CR1: variants seen among roughly 807,000 people sequenced by gnomAD.
CR1 encodes complement C3b/C4b receptor 1 (Knops blood group).
CR1 carries 116 observed loss-of-function variants against 187.3 expected under a neutral mutation model. The observed-to-expected ratio is 0.62, with a 90% confidence interval of 0.53 to 0.72. CR1 has a LOEUF of 0.72. CR1 is among the 30% of genes least tolerant of loss of function. The pLI, the probability that CR1 is intolerant of heterozygous loss-of-function variation, is 0.00. For missense variants in CR1, 1,731 were observed against 2,110.7 expected (o/e 0.82, Z 3.52); for synonymous variants, 576 against 747.1 (o/e 0.77, Z 3.73).
chr1:207,591,518 G>A (rs113482165), intron 35 of CR1, among the ~76,000 whole-genome samples: 8 of 152,058 alleles, frequency 5.3e-5, no homozygotes, highest in African/African-American at 1.4e-4. Flanking sequence ...TAAAATCGAC[G>A]CCCTGACATC....
chr1:207,591,233 G>A (rs780729651), intron 35 of CR1, among the ~76,000 whole-genome samples: 16 of 152,218 alleles, frequency 1.1e-4, no homozygotes, highest in Non-Finnish European at 1.9e-4. Context: ...CAAAAGAATG[G>A]AAATCATAAC....
intron 45 of CR1, among the ~76,000 whole-genome samples, chr1:207,623,828 C>G (rs1179486620): frequency 6.7e-6 from 1 of 149,854 alleles, no homozygotes; most frequent in East Asian, 2.0e-4. Flanking sequence ...TCATATGGCA[C>G]ACATAGGCTG....
intron 35 of CR1, 129 bp downstream of exon 35, chr1:207,588,903 T>C: frequency 1.6e-6 from 1 of 630,438 alleles, no homozygotes; most frequent in Non-Finnish European, 2.8e-6. Context: ...GACTTATAGA[T>C]GGAGATGATA....
chr1:207,585,597 C>G (rs1661089882), intron 33 of CR1, among the ~76,000 whole-genome samples: 1 of 152,170 alleles, frequency 6.6e-6, no homozygotes, highest in Non-Finnish European at 1.5e-5. Flanking sequence ...GATGTGGCAC[C>G]AGCCTTGGAA....
intron 35 of CR1, among the ~76,000 whole-genome samples, chr1:207,594,945 A>T (rs1442616884): frequency 6.6e-6 from 1 of 152,226 alleles, no homozygotes; most frequent in East Asian, 1.9e-4. Context: ...TCATCTGCAC[A>T]ACAGCTTCCT....
chr1:207,630,371 T>C (rs548972551), intron 45 of CR1, 146 bp from the exon 46 acceptor site: 1 of 544,892 alleles, frequency 1.8e-6, no homozygotes, highest in Non-Finnish European at 3.3e-6. Flanking sequence ...GATTTGGTTA[T>C]GATTTTCCTT....
chr1:207,625,882 A>G (rs1215725647), intron 45 of CR1, among the ~76,000 whole-genome samples: 4 of 152,254 alleles, frequency 2.6e-5, no homozygotes. Flanking sequence ...TAGTGATGTT[A>G]TCTATAGGAG....
rs2102339172 is a variant in CR1 at position 207,578,063 on chromosome 1, T to G, written c.4796T>G (p.Val1599Gly). The G allele has an allele frequency of 6.2e-7, 1 of 1,611,688 alleles. No individual in the cohort carries two copies. Among genetic ancestry groups the G allele is most frequent in the Non-Finnish European group, 8.5e-7 (1 of 1,179,604 alleles). Residue 1599 changes from valine to glycine, a missense_variant, in exon 29 of 47, where the codon GTA (valine) becomes GGA (glycine). By Grantham distance (109) the Val-to-Gly change is moderately radical. Coordinates refer to ENST00000367049, the MANE Select transcript of CR1 (RefSeq NM_000651.6). ...TPPNVENGIL[V>G]SDNRSLFSLN... Reference sequence around the variant, plus strand: ...CCAAATGTGGAAAATGGAATATTGGTATCTGACAACAGAAGCTTATTTTCC... The same window carrying G: ...CCAAATGTGGAAAATGGAATATTGGGATCTGACAACAGAAGCTTATTTTCC...
chr1:207,508,154 A>T (rs1199420380), intron 3 of CR1, among the ~76,000 whole-genome samples: 3 of 152,220 alleles, frequency 2.0e-5, no homozygotes, highest in Admixed American at 6.5e-5. Flanking sequence ...AAGGGGATGA[A>T]TCGGAAGAGC....
At chr1:207,599,883 G>T (rs1421100580) in intron 35 of CR1, among the ~76,000 whole-genome samples, 3 of 152,114 alleles carry the variant, frequency 2.0e-5, no homozygotes, top group Non-Finnish European at 4.4e-5. Context: ...GAATATATAG[G>T]TTATACAATT....
At chr1:207,596,283 T>C (rs922911814) in intron 35 of CR1, among the ~76,000 whole-genome samples, 150 of 152,170 alleles carry the variant, frequency 9.9e-4, no homozygotes, top group African/African-American at 3.5e-3. Flanking sequence ...TTAACAGATA[T>C]AAACTCCATT....
intron 35 of CR1, among the ~76,000 whole-genome samples, chr1:207,602,872 G>T (rs1193322226): frequency 6.6e-6 from 1 of 151,852 alleles, no homozygotes. Flanking sequence ...CAACCAAATA[G>T]AATATAAGGA....
chr1:207,565,364 C>T (rs1446745242), intron 23 of CR1, among the ~76,000 whole-genome samples: 1 of 150,454 alleles, frequency 6.6e-6, no homozygotes, highest in East Asian at 1.9e-4. Flanking sequence ...GCCTTCTTCA[C>T]GCCATCACAG....
intron 35 of CR1, chr1:207,606,464 T>A (rs958314097): frequency 3.3e-5 from 5 of 152,208 alleles, no homozygotes; most frequent in Admixed American, 1.3e-4. Flanking sequence ...ATCACATTTC[T>A]TACATAATCA....
At position 207,580,275 on chromosome 1, in the gene CR1, C is replaced by A; in HGVS notation, c.4972C>A (p.His1658Asn). ...QPPPEILHGEHTPSHQDNFSP... is the reference protein window; with the variant it reads ...QPPPEILHGENTPSHQDNFSP... ...GCCTCCAGAAATCCTGCATGGTGAGCATACCCCAAGCCATCAGGACAACTT... is the reference window on the plus strand; with the variant it reads ...GCCTCCAGAAATCCTGCATGGTGAGAATACCCCAAGCCATCAGGACAACTT... The change falls in exon 30 of 47, where the codon CAT becomes AAT. Residue 1658 changes from histidine to asparagine, a missense_variant. This residue lies in a region of CR1 where 1,312 missense variants were observed against 1,379.6 expected (regional missense o/e 0.95). Coordinates refer to ENST00000367049, the MANE Select transcript of CR1 (RefSeq NM_000651.6). 6.2e-7 allele frequency: 1 copy of A among 1,613,844 alleles called. No individual in the cohort carries two copies. Among genetic ancestry groups the A allele is most frequent in the East Asian group, 2.2e-5 (1 of 44,870 alleles).
chr1:207,568,132 T>G, intron 25 of CR1, 90 bp downstream of exon 25: 1 of 1,606,498 alleles, frequency 6.2e-7, no homozygotes, highest in Admixed American at 1.7e-5. Flanking sequence ...AGTATTTATT[T>G]GTATGTATGC....
intron 4 of CR1, among the ~76,000 whole-genome samples, chr1:207,522,952 T>C (rs928200296): frequency 6.6e-6 from 1 of 152,210 alleles, no homozygotes; most frequent in Non-Finnish European, 1.5e-5. Context: ...TACACAGATA[T>C]CATCTTATGA....
Position 207,496,396 on chromosome 1 carries a change from G to T in CR1, c.121+8G>T, listed in dbSNP as rs1305871578. 2 of 1,603,796 alleles carry T rather than the reference G, an allele frequency of 1.2e-6. No individual in the cohort carries two copies. Among genetic ancestry groups the T allele is most frequent in the African/African-American group, 2.7e-5 (2 of 74,736 alleles). ...CGCTGCCGGTGGCCTGGGGTGAGAG[G>T]CGGGCGGGCGTGGGGAGGCGCCCGG... On this transcript the variant is annotated splice_region_variant and intron_variant, in intron 1 of 46. Transcript: ENST00000367049.
chr1:207,518,921 A>G (rs1205690660), intron 4 of CR1, among the ~76,000 whole-genome samples: 5 of 152,206 alleles, frequency 3.3e-5, no homozygotes, highest in East Asian at 3.8e-4. Flanking sequence ...TCAACCCATT[A>G]CAATCCCCAA....
Sources: gnomAD v4.1 joint callset for allele counts (sites outside exome capture counted in the v4.1 genomes callset) on GRCh38, gnomAD v4.1.1 for gene constraint, gnomAD v4.1.1 regional missense constraint, MANE v1.5 for transcripts, NCBI Gene and HGNC (gene_info 2026-07-23, HGNC 2026-07-21) for gene names.